Variants in SCAPER observed in about 807,000 individuals in gnomAD.
SCAPER encodes S phase cyclin A-associated protein in the endoplasmic reticulum.
A neutral mutation model predicts 182.2 loss-of-function variants in SCAPER; 98 were observed. That is an observed-to-expected ratio of 0.54 (90% CI 0.46 to 0.64). The LOEUF is 0.64. Among genes scored for constraint, SCAPER ranks in the 30% least tolerant of loss-of-function variants. The pLI is 0.00. For synonymous variants in SCAPER, 605 were observed against 564.6 expected (o/e 1.07, Z -1.01); for missense variants, 1,432 against 1,690.0 (o/e 0.85, Z 2.68).
At chr15:76,640,202 T>C (rs923714780) in intron 21 of SCAPER, among the ~76,000 whole-genome samples, 2 of 152,322 alleles carry the variant, frequency 1.3e-5, no homozygotes, top group East Asian at 1.9e-4. Flanking sequence ...GGATGTGGAA[T>C]TCTCAGTCAA....
intron 20 of SCAPER, among the ~76,000 whole-genome samples, chr15:76,687,607 C>T (rs1190209713): frequency 6.6e-6 from 1 of 152,126 alleles, no homozygotes; most frequent in Non-Finnish European, 1.5e-5. Context: ...CCATCCCCAA[C>T]AGGCCCCGGT....
At chr15:76,441,158 T>A (rs1267780255) in intron 25 of SCAPER, among the ~76,000 whole-genome samples, 1 of 151,988 alleles carries the variant, frequency 6.6e-6, no homozygotes, top group Non-Finnish European at 1.5e-5. Context: ...CCTGACCTCG[T>A]GATCCACCCG....
rs561463792 is a variant in SCAPER at position 76,413,011 on chromosome 15, T to C, written c.3312-8332A>G. On this transcript the variant is annotated intron_variant, in intron 26 of 31. Coordinates refer to ENST00000563290, the MANE Select transcript of SCAPER (RefSeq NM_020843.4). ...TTTATAAATGGTATTGTTTTTTAAA[T>C]CTTGATTTCTATTTGTTGCTATACA... Among the ~76,000 whole-genome samples, 248 of 152,298 alleles carry C rather than the reference T, an allele frequency of 1.6e-3. 3 individuals carry two copies. Among genetic ancestry groups the C allele is most frequent in the Non-Finnish European group, 4.3e-4 (29 of 68,016 alleles).
chr15:76,788,184 G>A (rs1324012148), intron 8 of SCAPER, among the ~76,000 whole-genome samples: 1 of 152,184 alleles, frequency 6.6e-6, no homozygotes, highest in East Asian at 1.9e-4. Context: ...CCACACGGCC[G>A]TGGAGAATGT....
At chr15:76,379,022 C>G (rs559444568) in intron 28 of SCAPER, among the ~76,000 whole-genome samples, 3 of 152,280 alleles carry the variant, frequency 2.0e-5, no homozygotes, top group Admixed American at 6.5e-5. Context: ...ATTCTGAACT[C>G]CTAGAATCTG....
chr15:76,421,554 T>C (rs2046042955), intron 26 of SCAPER, among the ~76,000 whole-genome samples: 1 of 152,248 alleles, frequency 6.6e-6, no homozygotes, highest in Admixed American at 6.5e-5. Context: ...GCAAAAATTT[T>C]CTCCCATTCT....
chr15:76,684,199 T>C (rs188267957), intron 20 of SCAPER, among the ~76,000 whole-genome samples: 1 of 150,470 alleles, frequency 6.6e-6, no homozygotes, highest in Non-Finnish European at 1.5e-5. Context: ...GATGACAGGA[T>C]CAAATCTACA....
chr15:76,589,555 G>C (rs534850597), intron 22 of SCAPER, among the ~76,000 whole-genome samples: 1 of 152,240 alleles, frequency 6.6e-6, no homozygotes, highest in South Asian at 2.1e-4. Flanking sequence ...ACAGCACTAA[G>C]TTTGTTTCCA....
At chr15:76,413,001 G>T (rs975705979) in intron 26 of SCAPER, among the ~76,000 whole-genome samples, 6 of 151,876 alleles carry the variant, frequency 4.0e-5, no homozygotes, top group Non-Finnish European at 8.8e-5. Context: ...AAATGGTATT[G>T]TTTTTTAAAT....
At chr15:76,899,294 GCCTGGGGTTCC>G (rs1386955865) in intron 1 of SCAPER, among the ~76,000 whole-genome samples, 1 of 152,118 alleles carries the variant, frequency 6.6e-6, no homozygotes, top group African/African-American at 2.4e-5. Context: ...CCTGCCGAGT[GCCTGGGGTTCC>G]AGGCACGCGC....
intron 22 of SCAPER, among the ~76,000 whole-genome samples, chr15:76,582,729 A>G (rs2145530365): frequency 6.6e-6 from 1 of 152,350 alleles, no homozygotes; most frequent in South Asian, 2.1e-4. Flanking sequence ...CCAAAACAGC[A>G]TGGTACTTAC....
At chr15:76,888,361 A>G (rs547513953) in intron 1 of SCAPER, among the ~76,000 whole-genome samples, 5 of 152,202 alleles carry the variant, frequency 3.3e-5, no homozygotes, top group Non-Finnish European at 7.4e-5. Flanking sequence ...GAAGGTCGGT[A>G]ATAACAAACT....
chr15:76,531,836 GT>G, intron 23 of SCAPER, among the ~76,000 whole-genome samples: 1 of 152,130 alleles, frequency 6.6e-6, no homozygotes. Context: ...TCAATGAGTT[GT>G]ATGACTGGGT....
chr15:76,443,381 T>C (rs191911773), intron 25 of SCAPER, among the ~76,000 whole-genome samples: 2 of 152,322 alleles, frequency 1.3e-5, no homozygotes, highest in East Asian at 3.9e-4. Flanking sequence ...TCTGCTAACA[T>C]TGAAGCAAGA....
chr15:76,496,911 G>A (rs1425844413), intron 24 of SCAPER, among the ~76,000 whole-genome samples: 1 of 152,000 alleles, frequency 6.6e-6, no homozygotes, highest in Non-Finnish European at 1.5e-5. Context: ...GGTTCATTTG[G>A]CTGGAAGGAA....
At position 76,504,906 on chromosome 15, in the gene SCAPER, T is replaced by C; in HGVS notation, c.2907A>G (p.Ala969=). Residue 969 remains alanine, a synonymous_variant, in exon 24 of 32, where the codon GCA becomes GCG. Coordinates refer to ENST00000563290, the MANE Select transcript of SCAPER (RefSeq NM_020843.4). ...TGTTCACATTTGTGGCTGGGACTAC[T>C]GCTTGAAGGATGTGTTCAAGGGCTG... ...GLTALEHILQ[A]VVPATNVNTV... 1 of 1,612,988 alleles carries C rather than the reference T, an allele frequency of 6.2e-7. No homozygotes were observed. The highest frequency in any genetic ancestry group is 8.5e-7 in the Non-Finnish European group (1 of 1,179,550).
At chr15:76,386,785 G>A (rs1313681089) in intron 27 of SCAPER, among the ~76,000 whole-genome samples, 2 of 152,222 alleles carry the variant, frequency 1.3e-5, no homozygotes, top group African/African-American at 4.8e-5. Flanking sequence ...GGTTGAGTAA[G>A]TGGAAGAGTA....
chr15:76,598,661 T>G (rs1597594193), intron 22 of SCAPER, among the ~76,000 whole-genome samples: 1 of 120,886 alleles, frequency 8.3e-6, no homozygotes, highest in South Asian at 2.6e-4. Flanking sequence ...GGGACATAGA[T>G]GAAGCTGGAA....
At chr15:76,476,646 T>A (rs2050665530) in intron 24 of SCAPER, among the ~76,000 whole-genome samples, 1 of 140,484 alleles carries the variant, frequency 7.1e-6, no homozygotes, top group African/African-American at 2.6e-5. Context: ...TCTCACTATG[T>A]TGCCCAGGCT....
Sources: gnomAD v4.1 joint callset for allele counts (sites outside exome capture counted in the v4.1 genomes callset) on GRCh38, gnomAD v4.1.1 for gene constraint, MANE v1.5 for transcripts, NCBI Gene and HGNC (gene_info 2026-07-23, HGNC 2026-07-21) for gene names.